STEAP2: variants seen among roughly 807,000 people sequenced by gnomAD.
STEAP2 encodes metalloreductase STEAP2.
In STEAP2, 30 loss-of-function variants were observed where a neutral mutation model predicts 46.4. The observed-to-expected ratio is 0.65, with a 90% CI of 0.48 to 0.88. STEAP2 has a LOEUF of 0.88. STEAP2 is among the 40% of genes least tolerant of loss of function. The pLI, the probability that STEAP2 is intolerant of heterozygous loss-of-function variation, is 0.00. For missense variants in STEAP2, 513 were observed against 579.3 expected (o/e 0.89, Z 1.18); for synonymous variants, 180 against 200.5 (o/e 0.90, Z 0.86).
At position 90,227,385 on chromosome 7, in the gene STEAP2, A is replaced by C; in HGVS notation, c.907A>C (p.Lys303Gln). 3 of 1,613,476 alleles carry C rather than the reference A, an allele frequency of 1.9e-6. No individual in the cohort carries two copies. The highest frequency in any genetic ancestry group is 1.7e-6 in the Non-Finnish European group (2 of 1,179,496). The change falls in exon 4 of 6, where the codon AAA (lysine) becomes CAA (glutamine). Residue 303 changes from lysine to glutamine, a missense_variant. Physicochemically the swap from Lys to Gln is moderately conservative, Grantham distance 53 (BLOSUM62 1). Coordinates refer to ENST00000394621, the MANE Select transcript of STEAP2 (RefSeq NM_001244944.2). ...PWLETWLQCR[K>Q]QLGLLSFFFA... is the part of the protein sequence containing the mutation. The stretch of plus-strand genomic sequence containing the variant: ...GTTGGAAACCTGGTTACAGTGTAGA[A>C]AACAGCTTGGATTACTAAGTTTTTT...
rs1197896277 is a variant in STEAP2 at position 90,236,896 on chromosome 7, T to C, written c.*4272T>C. ...TCTTGAAATTGTCTTTAAAGATCTT[T>C]TGCAGCTTTGCAGATACCCAGACTG... On this transcript the variant is annotated 3_prime_UTR_variant, in exon 6 of 6. Transcript: ENST00000394621. The C allele has an allele frequency of 3.7e-6, 6 of 1,613,946 alleles. No homozygotes were observed. The highest frequency in any genetic ancestry group is 5.1e-6 in the Non-Finnish European group (6 of 1,179,998).
intron 1 of STEAP2, among the ~76,000 whole-genome samples, chr7:90,214,715 A>G (rs2116118158): frequency 6.6e-6 from 1 of 152,302 alleles, no homozygotes; most frequent in East Asian, 1.9e-4. Flanking sequence ...AGTGCAGGAT[A>G]TTAAGCAATT....
Position 90,218,541 on chromosome 7 carries a change from A to G in STEAP2, c.-34+1938A>G, listed in dbSNP as rs1195502780. 2.6e-5 allele frequency among the ~76,000 whole-genome samples: 4 copies of G among 151,956 alleles called. 1 individual carries two copies. Among genetic ancestry groups the G allele is most frequent in the African/African-American group, 9.7e-5 (4 of 41,384 alleles). The stretch of plus-strand genomic sequence containing the variant: ...GAAGAGGATATCCTTTCCTCAGTGT[A>G]TGTTCTTGGTGCCTTTGTTGACAAT... On this transcript the variant is annotated intron_variant, in intron 2 of 5. Coordinates refer to ENST00000394621, the MANE Select transcript of STEAP2 (RefSeq NM_001244944.2).
intron 2 of STEAP2, among the ~76,000 whole-genome samples, chr7:90,222,848 C>CT (rs1243614818): frequency 6.6e-6 from 1 of 151,950 alleles, no homozygotes; most frequent in South Asian, 2.1e-4. Context: ...AAAACCCCAA[C>CT]TTTTTTTTGA....
At chr7:90,223,519 C>T (rs1302165467) in intron 2 of STEAP2, among the ~76,000 whole-genome samples, 6 of 152,174 alleles carry the variant, frequency 3.9e-5, no homozygotes, top group African/African-American at 7.2e-5. Context: ...TATGTCATAG[C>T]GATGGTGGTG....
At chr7:90,220,914 C>G (rs1795232384) in intron 2 of STEAP2, among the ~76,000 whole-genome samples, 1 of 152,006 alleles carries the variant, frequency 6.6e-6, no homozygotes, top group South Asian at 2.1e-4. Context: ...GTTGTTTAAT[C>G]ATTTATTTTT....
chr7:90,232,583 A>G lies in STEAP2; in HGVS notation c.1432A>G (p.Thr478Ala). 1 of 1,612,972 alleles carries G rather than the reference A, an allele frequency of 6.2e-7. No homozygotes were observed. Among genetic ancestry groups the G allele is most frequent in the Non-Finnish European group, 8.5e-7 (1 of 1,179,296 alleles). ...ATTTCTGGAAGAAGGTATGGGAGGA[A>G]CAATTCCTCATGTCTCCCCGGAGAG... Reference protein sequence around the residue: ...SQFLEEGMGGTIPHVSPERVT... With the variant: ...SQFLEEGMGGAIPHVSPERVT... Residue 478 changes from threonine to alanine, a missense_variant, in exon 6 of 6, where the codon ACA becomes GCA. Physicochemically the swap from Thr to Ala is moderately conservative, Grantham distance 58. Coordinates refer to ENST00000394621, the MANE Select transcript of STEAP2 (RefSeq NM_001244944.2).
rs1223754859 is a variant in STEAP2, at chr7:90,227,199, A to G, written c.721A>G (p.Arg241Gly). ...FVRDVIHPYA[R>G]NQQSDFYKIP... ...CAGAGATGTGATTCATCCATATGCT[A>G]GAAACCAACAGAGTGACTTTTACAA... The change falls in exon 4 of 6, where the codon AGA (arginine) becomes GGA (glycine). Residue 241 changes from arginine to glycine, a missense_variant. Coordinates refer to ENST00000394621, the MANE Select transcript of STEAP2 (RefSeq NM_001244944.2). 1 of 1,613,792 alleles carries G rather than the reference A, an allele frequency of 6.2e-7. No individual in the cohort carries two copies. Among genetic ancestry groups the G allele is most frequent in the Admixed American group, 1.7e-5 (1 of 59,954 alleles).
At chr7:90,239,743 C>T (rs1472205511), downstream of STEAP2, among the ~76,000 whole-genome samples, 5 of 152,016 alleles carry the variant, frequency 3.3e-5, no homozygotes, top group African/African-American at 4.8e-5. Context: ...CCACTAAACA[C>T]GAGTAGTTCC....
In STEAP2 at chr7:90,233,441, T is replaced by A; in HGVS notation, c.*817T>A. The A allele has an allele frequency of 2.0e-6, 2 of 985,402 alleles. No individual in the cohort carries two copies. Among genetic ancestry groups the A allele is most frequent in the Non-Finnish European group, 2.4e-6 (2 of 829,938 alleles). 61.0% of individuals were successfully genotyped at this position (985,402 alleles called of 1,614,324 possible). A position where few individuals can be genotyped will look rare whatever the true frequency, so the allele number is the denominator to read the frequency against. On this transcript the variant is annotated 3_prime_UTR_variant, in exon 6 of 6. Transcript: ENST00000394621. ...TACTAGTTCCTACTTAGAACAAAAG[T>A]ATCAAGTTTGCACACAAGTAATCTG...
chr7:90,219,737 A>G (rs959072468), intron 2 of STEAP2, among the ~76,000 whole-genome samples: 1 of 152,032 alleles, frequency 6.6e-6, no homozygotes, highest in Non-Finnish European at 1.5e-5. Flanking sequence ...GCACACACAC[A>G]ATTTTTAGGA....
At position 90,227,399 on chromosome 7, in the gene STEAP2, A is replaced by C; in HGVS notation, c.921A>C (p.Leu307Phe). The change falls in exon 4 of 6, where the codon TTA (leucine) becomes TTC (phenylalanine). Residue 307 changes from leucine to phenylalanine, a missense_variant. Physicochemically the swap from Leu to Phe is conservative, Grantham distance 22. Transcript: ENST00000394621. ...TACAGTGTAGAAAACAGCTTGGATTACTAAGTTTTTTCTTCGCTATGGTCC... is the reference window on the plus strand; with the variant it reads ...TACAGTGTAGAAAACAGCTTGGATTCCTAAGTTTTTTCTTCGCTATGGTCC... The part of the protein sequence containing the change: ...TWLQCRKQLG[L>F]LSFFFAMVHV... The C allele has an allele frequency of 6.2e-7, 1 of 1,612,898 alleles. No individual in the cohort carries two copies. The highest frequency in any genetic ancestry group is 8.5e-7 in the Non-Finnish European group (1 of 1,179,016).
rs1479588956 is a variant in STEAP2, at chr7:90,235,959, C to T, written c.*3335C>T. 1.0e-6 allele frequency: 1 copy of T among 984,164 alleles called. No homozygotes were observed. The highest frequency in any genetic ancestry group is 1.1e-4 in the East Asian group (1 of 8,822). 61.0% of individuals were successfully genotyped at this position (984,164 alleles called of 1,614,324 possible). On this transcript the variant is annotated 3_prime_UTR_variant, in exon 6 of 6. Coordinates refer to ENST00000394621, the MANE Select transcript of STEAP2 (RefSeq NM_001244944.2). Reference sequence around the variant, plus strand: ...ACCTGATTAATTTCTTATAAAGCAGCATAACCTTGGCTTGATTAAGGAATT... The same window carrying T: ...ACCTGATTAATTTCTTATAAAGCAGTATAACCTTGGCTTGATTAAGGAATT...
In STEAP2 at chr7:90,221,940, T is replaced by C. The variant is rs1010477552; in HGVS notation, c.-33-3110T>C. 3.9e-5 allele frequency among the ~76,000 whole-genome samples: 6 copies of C among 152,218 alleles called. No homozygotes were observed. In the South Asian group the frequency reaches 1.2e-3, roughly 31 times the overall value. Reference sequence around the variant, plus strand: ...CTGTTTGAAAAAGTCTTGATCATCATGAGTGTTAGATTTAAAGATTTTGCA... The same window carrying C: ...CTGTTTGAAAAAGTCTTGATCATCACGAGTGTTAGATTTAAAGATTTTGCA... On this transcript the variant is annotated intron_variant, in intron 2 of 5. Coordinates refer to ENST00000394621, the MANE Select transcript of STEAP2 (RefSeq NM_001244944.2).
chr7:90,213,666 A>G (rs914484022), intron 1 of STEAP2, among the ~76,000 whole-genome samples: 1 of 152,234 alleles, frequency 6.6e-6, no homozygotes, highest in African/African-American at 2.4e-5. Context: ...ATCCTTAGTT[A>G]CACTGCCAGC....
intron 5 of STEAP2, among the ~76,000 whole-genome samples, chr7:90,230,939 G>T (rs1014195259): frequency 6.6e-6 from 1 of 151,598 alleles, no homozygotes; most frequent in African/African-American, 2.4e-5. Context: ...AAAAGGGAGA[G>T]TACTTTCCCA....
chr7:90,229,996 T>C lies in STEAP2; in HGVS notation c.1145T>C (p.Val382Ala), dbSNP rs1157823387. 2 of 1,613,328 alleles carry C rather than the reference T, an allele frequency of 1.2e-6. No individual in the cohort carries two copies. ...SLLAVTSIPSVSNALNWREFS... is the reference protein window; with the variant it reads ...SLLAVTSIPSASNALNWREFS... The stretch of plus-strand genomic sequence containing the variant: ...CTGGCAGTCACTTCTATCCCTTCAG[T>C]GAGCAATGCTTTAAACTGGAGAGAA... The change falls in exon 5 of 6, where the codon GTG (valine) becomes GCG (alanine). Residue 382 changes from valine (V) to alanine (A), a missense_variant. Coordinates refer to ENST00000394621, the MANE Select transcript of STEAP2 (RefSeq NM_001244944.2).
At chr7:90,212,213 T>G in intron 1 of STEAP2, 168 bp downstream of exon 1, 1 of 152,354 alleles carries the variant, frequency 6.6e-6, no homozygotes. Context: ...AGGTGGAAAG[T>G]GAGAAGGGTG....
At chr7:90,224,717 G>A (rs1795404988) in intron 2 of STEAP2, among the ~76,000 whole-genome samples, 1 of 152,284 alleles carries the variant, frequency 6.6e-6, no homozygotes. Flanking sequence ...AGAATGTTGA[G>A]CCTCCCTCCA....
Sources: allele counts gnomAD v4.1 joint callset (sites outside exome capture counted in the v4.1 genomes callset), GRCh38; gene constraint gnomAD v4.1.1; transcripts MANE v1.5; gene names NCBI Gene and HGNC (gene_info 2026-07-23, HGNC 2026-07-21).